Variants in SCFD2 observed in about 807,000 individuals in gnomAD.
SCFD2 encodes the protein sec1 family domain containing 2, also known as sec1 family domain-containing protein 2.
A neutral mutation model predicts 58.9 loss-of-function variants in SCFD2; 54 were observed. The observed-to-expected ratio is 0.92, with a 90% CI of 0.74 to 1.15. The LOEUF is 1.15. Among genes scored for constraint, SCFD2 ranks in the 50% most tolerant of loss-of-function variants. SCFD2 has a pLI of 0.00. For synonymous variants in SCFD2, 321 were observed against 335.9 expected, an observed-to-expected ratio of 0.96 and a Z score of 0.49; for missense variants, 805 against 836.6, an observed-to-expected ratio of 0.96 and a Z score of 0.47.
At chr4:53,331,027 A>C (rs1190828053) in intron 2 of SCFD2, among the ~76,000 whole-genome samples, 8 of 151,664 alleles carry the variant, frequency 5.3e-5, no homozygotes, top group Admixed American at 1.3e-4. Flanking sequence ...AAAGGGATCA[A>C]TTCAACAAGA....
At position 53,365,630 on chromosome 4, in the gene SCFD2, G is replaced by A. The variant is rs551066250; in HGVS notation, c.312C>T (p.Val104=). ...GGTGGACAGCGTGGCTCACGGTTGT[G>A]ACCACCACACAATACTGGAAGTGAC... ...CRSHFQYCVV[V]TTVSHAVHLT... Residue 104 remains valine, a synonymous_variant, in exon 1 of 9, where the codon GTC becomes GTT. Coordinates refer to ENST00000401642, the MANE Select transcript of SCFD2 (RefSeq NM_152540.4). This position sits in a 1 kb window ranked among gnomAD's most constrained non-coding sequence, Gnocchi z 4.3. 1.2e-6 allele frequency: 2 copies of A among 1,614,204 alleles called. No homozygotes were observed. Among genetic ancestry groups the A allele is most frequent in the East Asian group, 4.5e-5 (2 of 44,888 alleles).
At chr4:53,299,320 T>G (rs911274848) in intron 3 of SCFD2, among the ~76,000 whole-genome samples, 13 of 152,176 alleles carry the variant, frequency 8.5e-5, no homozygotes, top group African/African-American at 3.1e-4. Flanking sequence ...GTAACTGATG[T>G]GATCAACTGG....
intron 2 of SCFD2, among the ~76,000 whole-genome samples, chr4:53,335,557 TA>T (rs1435607581): frequency 1.3e-5 from 2 of 152,212 alleles, no homozygotes; most frequent in Non-Finnish European, 2.9e-5. Flanking sequence ...AATTTTTTAT[TA>T]TGACTATGTT....
chr4:53,305,852 T>C (rs1302184920), intron 3 of SCFD2, among the ~76,000 whole-genome samples: 1 of 152,228 alleles, frequency 6.6e-6, no homozygotes, highest in African/African-American at 2.4e-5. Flanking sequence ...ACTTATGTTC[T>C]AAATCAGTGT....
In SCFD2 at chr4:53,261,556, C is replaced by T. The variant is rs1427595155; in HGVS notation, c.1311+12270G>A. On this transcript the variant is annotated intron_variant, in intron 4 of 8. Transcript: ENST00000401642. ...TGAGGGTTCCTTTTGGAGTTGACTT[C>T]CAATTTTATTCCACTGTGGTCTGAG... 2.6e-5 allele frequency among the ~76,000 whole-genome samples: 4 copies of T among 152,118 alleles called. No homozygotes were observed. In the East Asian group the frequency reaches 7.7e-4, roughly 29 times the overall value.
At chr4:53,041,661 G>A (rs959608667) in intron 5 of SCFD2, among the ~76,000 whole-genome samples, 3 of 152,114 alleles carry the variant, frequency 2.0e-5, no homozygotes, top group Admixed American at 1.3e-4. Flanking sequence ...AAATGCCTTT[G>A]AAAATGGAAG....
intron 2 of SCFD2, among the ~76,000 whole-genome samples, chr4:53,343,026 C>A (rs1269836310): frequency 6.6e-6 from 1 of 152,050 alleles, no homozygotes; most frequent in African/African-American, 2.4e-5. Flanking sequence ...AAAATTGACA[C>A]CCTAACATCA....
intron 4 of SCFD2, among the ~76,000 whole-genome samples, chr4:53,187,885 T>C (rs1727783470): frequency 6.6e-6 from 1 of 152,136 alleles, no homozygotes; most frequent in Non-Finnish European, 1.5e-5. Flanking sequence ...AAAATAAAAA[T>C]TATCTTTCCA....
chr4:53,018,826 C>T (rs1422796643), intron 5 of SCFD2, among the ~76,000 whole-genome samples: 3 of 152,154 alleles, frequency 2.0e-5, no homozygotes, highest in South Asian at 2.1e-4. Context: ...ATGGTGTGTA[C>T]GCTCTTGTTC....
intron 7 of SCFD2, among the ~76,000 whole-genome samples, chr4:52,886,222 T>A (rs1718737346): frequency 6.6e-6 from 1 of 151,938 alleles, no homozygotes; most frequent in Non-Finnish European, 1.5e-5. Context: ...TGTTTTAGCC[T>A]TTTTTTTGCT....
At chr4:53,276,339 C>G (rs1577923024) in intron 3 of SCFD2, among the ~76,000 whole-genome samples, 3 of 152,222 alleles carry the variant, frequency 2.0e-5, no homozygotes, top group Admixed American at 2.0e-4. Context: ...TAAAAGACCT[C>G]TGCTACTCAG....
At position 53,008,582 on chromosome 4, in the gene SCFD2, T is replaced by C. The variant is rs532720948; in HGVS notation, c.1562-87712A>G. ...GGAAGGACACTGTAGCTATGTAAACTTGCTCAGTGAGGTGGGGAAGAGAAA... is the reference window on the plus strand; with the variant it reads ...GGAAGGACACTGTAGCTATGTAAACCTGCTCAGTGAGGTGGGGAAGAGAAA... On this transcript the variant is annotated intron_variant, in intron 5 of 8. Coordinates refer to ENST00000401642, the MANE Select transcript of SCFD2 (RefSeq NM_152540.4). Among the ~76,000 whole-genome samples the C allele has an allele frequency of 1.4e-4, 21 of 152,238 alleles. No individual in the cohort carries two copies. The South Asian group carries it at 4.4e-3, about 32-fold the overall frequency.
In SCFD2 at chr4:53,247,199, T is replaced by C. The variant is rs182760084; in HGVS notation, c.1311+26627A>G. 4.6e-5 allele frequency among the ~76,000 whole-genome samples: 7 copies of C among 152,136 alleles called. No homozygotes were observed. The South Asian group carries it at 6.2e-4, about 14-fold the overall frequency. On this transcript the variant is annotated intron_variant, in intron 4 of 8. Coordinates refer to ENST00000401642, the MANE Select transcript of SCFD2 (RefSeq NM_152540.4). ...ATTAGAGAAATGCAAATAAAAACCA[T>C]AGTGACATAATCTCACAACAGCCAA...
At chr4:52,921,193 C>T (rs550265565) in intron 5 of SCFD2, among the ~76,000 whole-genome samples, 1 of 152,212 alleles carries the variant, frequency 6.6e-6, no homozygotes, top group African/African-American at 2.4e-5. Flanking sequence ...ATCCTCGGAA[C>T]ACGACTTTGG....
At chr4:53,243,428 C>A (rs534875981) in intron 4 of SCFD2, among the ~76,000 whole-genome samples, 55 of 152,082 alleles carry the variant, frequency 3.6e-4, no homozygotes, top group Admixed American at 2.6e-3. Flanking sequence ...CATGCAAATG[C>A]TGAAAGAATT....
chr4:53,058,871 G>T (rs1723424473), intron 5 of SCFD2, among the ~76,000 whole-genome samples: 1 of 152,052 alleles, frequency 6.6e-6, no homozygotes, highest in Non-Finnish European at 1.5e-5. Flanking sequence ...AATACGACAG[G>T]AGATATACTT....
intron 6 of SCFD2, among the ~76,000 whole-genome samples, chr4:52,919,816 T>C (rs190829553): frequency 1.8e-4 from 27 of 152,222 alleles, no homozygotes; most frequent in Non-Finnish European, 3.2e-4. Flanking sequence ...CTAGCTGCAG[T>C]GGGTAACATT....
At chr4:53,144,626 AC>A (rs1422960026) in intron 5 of SCFD2, among the ~76,000 whole-genome samples, 2 of 151,100 alleles carry the variant, frequency 1.3e-5, no homozygotes, top group Non-Finnish European at 2.9e-5. Context: ...TCTCAAAGAA[AC>A]AGTTTTTAAA....
At chr4:53,319,598 T>A (rs1046650406) in intron 2 of SCFD2, among the ~76,000 whole-genome samples, 1 of 151,924 alleles carries the variant, frequency 6.6e-6, no homozygotes, top group Non-Finnish European at 1.5e-5. Flanking sequence ...AGTGGCATGA[T>A]CTCAGCTCAC....
Sources: gnomAD v4.1 joint callset for allele counts (sites outside exome capture counted in the v4.1 genomes callset) on GRCh38, gnomAD v4.1.1 for gene constraint, Gnocchi (gnomAD v3.1) non-coding constraint, MANE v1.5 for transcripts, NCBI Gene and HGNC (gene_info 2026-07-23, HGNC 2026-07-21) for gene names.